The following SLCO3A1 variants were observed in gnomAD, a reference collection of about 807,000 sequenced individuals.
The protein encoded by SLCO3A1 is solute carrier organic anion transporter family member 3A1.
SLCO3A1 carries 27 observed loss-of-function variants against 63.1 expected under a neutral mutation model. That is an observed-to-expected ratio of 0.43 (90% CI 0.32 to 0.59). The LOEUF is 0.59. Ranked by LOEUF, SLCO3A1 falls within the 20% of genes least tolerant of loss-of-function variation. The pLI, the probability that SLCO3A1 is intolerant of heterozygous loss-of-function variation, is 0.09. For synonymous variants in SLCO3A1, 473 were observed against 409.9 expected (o/e 1.15, Z -1.86); for missense variants, 773 against 945.8 (o/e 0.82, Z 2.40).
Position 91,863,547 on chromosome 15 carries a change from ATTCCAGTG to A in SLCO3A1, c.180+9461_180+9468del, listed in dbSNP as rs1897096998. Among the ~76,000 whole-genome samples the A allele has an allele frequency of 6.6e-6, 1 of 152,238 alleles. No homozygotes were observed. Among genetic ancestry groups the A allele is most frequent in the Admixed American group, 6.5e-5 (1 of 15,286 alleles). The stretch of plus-strand genomic sequence containing the variant: ...GGGATGCTTTGCATAAGCAGCATGT[ATTCCAGTG>A]TGGCACATCACACCATCCTCTTCTT... On this transcript the variant is annotated intron_variant, in intron 1 of 9. Coordinates refer to ENST00000318445, the MANE Select transcript of SLCO3A1 (RefSeq NM_013272.4). The surrounding 1 kb of genome is among the most constrained non-coding windows in gnomAD (Gnocchi z 4.3).
intron 3 of SLCO3A1, among the ~76,000 whole-genome samples, chr15:92,097,412 G>A (rs1393597579): frequency 6.6e-6 from 1 of 152,188 alleles, no homozygotes; most frequent in Non-Finnish European, 1.5e-5. Context: ...GCTGGAGGGG[G>A]CTTAGCCCAT....
chr15:92,032,187 C>T (rs1406060057), intron 2 of SLCO3A1, among the ~76,000 whole-genome samples: 3 of 152,186 alleles, frequency 2.0e-5, no homozygotes, highest in South Asian at 2.1e-4. Context: ...TAAGAAAAGG[C>T]TGGCATTAAA....
chr15:92,032,495 G>A (rs1188582265), intron 2 of SLCO3A1, among the ~76,000 whole-genome samples: 1 of 152,164 alleles, frequency 6.6e-6, no homozygotes, highest in Non-Finnish European at 1.5e-5. Context: ...GTGCAGGGGT[G>A]GTGAGGGTGT....
At chr15:91,974,048 G>A (rs1459739177) in intron 2 of SLCO3A1, among the ~76,000 whole-genome samples, 1 of 152,114 alleles carries the variant, frequency 6.6e-6, no homozygotes, top group Non-Finnish European at 1.5e-5. Flanking sequence ...ACCAGTAGGT[G>A]ACAAGGCAGG....
At chr15:91,966,584 C>A (rs1425307697) in intron 2 of SLCO3A1, among the ~76,000 whole-genome samples, 1 of 152,162 alleles carries the variant, frequency 6.6e-6, no homozygotes, top group African/African-American at 2.4e-5. Flanking sequence ...GTGTCTAGCA[C>A]CCAAATTTTG....
intron 1 of SLCO3A1, among the ~76,000 whole-genome samples, chr15:91,876,823 C>A (rs1487301709): frequency 2.6e-5 from 4 of 152,248 alleles, no homozygotes; most frequent in Non-Finnish European, 5.9e-5. Context: ...TGCTGTCCAG[C>A]ATGGATGTGG....
At position 91,984,058 on chromosome 15, in the gene SLCO3A1, G is replaced by T. The variant is rs544436830; in HGVS notation, c.646+67600G>T. On this transcript the variant is annotated intron_variant, in intron 2 of 9. Transcript: ENST00000318445. Reference sequence around the variant, plus strand: ...CTCTGACCCTCCCCAACCAAACAAGGGTTCTGTTTATCCAGACCAGGGGGC... The same window carrying T: ...CTCTGACCCTCCCCAACCAAACAAGTGTTCTGTTTATCCAGACCAGGGGGC... Among the ~76,000 whole-genome samples the T allele has an allele frequency of 4.6e-5, 7 of 152,232 alleles. No individual in the cohort carries two copies. The South Asian group carries it at 1.5e-3, about 32-fold the overall frequency.
chr15:91,874,734 C>T (rs1342386817), intron 1 of SLCO3A1, among the ~76,000 whole-genome samples: 2 of 152,218 alleles, frequency 1.3e-5, no homozygotes, highest in East Asian at 3.8e-4. Context: ...ATAATTTCCC[C>T]ACTTTTTCCC....
intron 2 of SLCO3A1, among the ~76,000 whole-genome samples, chr15:91,959,355 A>G (rs960890148): frequency 7.9e-5 from 12 of 152,124 alleles, no homozygotes; most frequent in African/African-American, 2.7e-4. Context: ...GGGTGCACCA[A>G]AATCTCAGAA....
chr15:92,078,798 G>A (rs1254941696), intron 2 of SLCO3A1, among the ~76,000 whole-genome samples: 4 of 152,166 alleles, frequency 2.6e-5, no homozygotes, highest in African/African-American at 7.2e-5. Flanking sequence ...GATTAAATGA[G>A]GTAGTACATG....
intron 2 of SLCO3A1, among the ~76,000 whole-genome samples, chr15:92,054,221 T>C (rs2046995099): frequency 6.6e-6 from 1 of 152,218 alleles, no homozygotes. Flanking sequence ...ACTTTCTGGC[T>C]CTATGAGATG....
At chr15:91,906,500 C>A (rs2151373482) in intron 1 of SLCO3A1, among the ~76,000 whole-genome samples, 1 of 152,282 alleles carries the variant, frequency 6.6e-6, no homozygotes, top group African/African-American at 2.4e-5. Context: ...GAAGCCGGGG[C>A]CCTAGGGCAT....
At chr15:92,045,673 T>C (rs1274819547) in intron 2 of SLCO3A1, among the ~76,000 whole-genome samples, 1 of 152,226 alleles carries the variant, frequency 6.6e-6, no homozygotes, top group Non-Finnish European at 1.5e-5. Flanking sequence ...AATGTCCCTA[T>C]TTCCTATCTC....
At chr15:91,855,348 G>T (rs1007778838) in intron 1 of SLCO3A1, among the ~76,000 whole-genome samples, 21 of 152,192 alleles carry the variant, frequency 1.4e-4, no homozygotes, top group African/African-American at 4.6e-4. Context: ...CGGTGTTGAG[G>T]AAGTTAGGTG....
chr15:91,946,513 AGTTAT>A (rs887899070), intron 2 of SLCO3A1, among the ~76,000 whole-genome samples: 7 of 152,194 alleles, frequency 4.6e-5, no homozygotes, highest in Non-Finnish European at 8.8e-5. Flanking sequence ...TGGTTCAGTC[AGTTAT>A]GTTATATGAA....
At chr15:92,057,136 G>T (rs1220587343) in intron 2 of SLCO3A1, among the ~76,000 whole-genome samples, 1 of 152,176 alleles carries the variant, frequency 6.6e-6, no homozygotes, top group African/African-American at 2.4e-5. Flanking sequence ...AGGCACATAA[G>T]TCCATTCTTA....
chr15:92,094,703 A>G (rs1004993997), intron 2 of SLCO3A1, among the ~76,000 whole-genome samples, 178 bp from the exon 3 acceptor site: 2 of 152,238 alleles, frequency 1.3e-5, no homozygotes, highest in Admixed American at 6.5e-5. Context: ...CATAATATAC[A>G]GTGCTTTCAT....
chr15:91,920,620 CG>C (rs1898811943), intron 2 of SLCO3A1, among the ~76,000 whole-genome samples: 1 of 152,186 alleles, frequency 6.6e-6, no homozygotes, highest in African/African-American at 2.4e-5. Flanking sequence ...TTGCATCTTT[CG>C]CTCAGCTCTT....
chr15:91,880,956 T>G (rs1179338332), intron 1 of SLCO3A1, among the ~76,000 whole-genome samples: 1 of 152,064 alleles, frequency 6.6e-6, no homozygotes, highest in Non-Finnish European at 1.5e-5. Context: ...TGGAATTTGG[T>G]GGAGAGAGCA....
Sources: gnomAD v4.1 joint callset for allele counts (sites outside exome capture counted in the v4.1 genomes callset) on GRCh38, gnomAD v4.1.1 for gene constraint, Gnocchi (gnomAD v3.1) non-coding constraint, MANE v1.5 for transcripts, NCBI Gene and HGNC (gene_info 2026-07-23, HGNC 2026-07-21) for gene names.